The following KDM4C variants were observed in gnomAD, a reference collection of about 807,000 sequenced individuals.
KDM4C encodes the protein lysine-specific demethylase 4C.
A neutral mutation model predicts 129.3 loss-of-function variants in KDM4C; 81 were observed. The ratio of observed to expected loss-of-function variants is 0.63; its 90% confidence interval spans 0.52 to 0.75. KDM4C has a LOEUF of 0.75. Ranked by LOEUF, KDM4C falls within the 30% of genes least tolerant of loss-of-function variation. The pLI is 0.00. For missense variants in KDM4C, 1,457 were observed against 1,304.0 expected (o/e 1.12, Z -1.81); for synonymous variants, 573 against 456.1 (o/e 1.26, Z -3.26).
At chr9:6,985,611 T>C (rs1338268250) in intron 10 of KDM4C, among the ~76,000 whole-genome samples, 1 of 152,144 alleles carries the variant, frequency 6.6e-6, no homozygotes, top group Admixed American at 6.5e-5. Context: ...GCAGAGAAGG[T>C]AGGGAAGGGA....
In KDM4C at chr9:7,104,033, C is replaced by G; in HGVS notation, c.2610+163C>G. ...GGCAGGGATTGCGCACTGTTATTTC[C>G]TGGTATTTGCCTAGGACCTGTCAAG... On this transcript the variant is annotated intron_variant, in intron 18 of 21. Coordinates refer to ENST00000381309, the MANE Select transcript of KDM4C (RefSeq NM_015061.6). 7.8e-6 allele frequency: 5 copies of G among 639,174 alleles called. No homozygotes were observed. The East Asian group carries it at 1.1e-4, about 14-fold the overall frequency. 39.6% of individuals were successfully genotyped at this position (639,174 alleles called of 1,614,324 possible).
intron 5 of KDM4C, among the ~76,000 whole-genome samples, chr9:6,856,450 AAAATACTTTTAG>A (rs1255230638): frequency 7.9e-5 from 12 of 152,162 alleles, no homozygotes; most frequent in Non-Finnish European, 1.3e-4. Flanking sequence ...TTTACATAAG[AAAATACTTTTAG>A]AAATACTCTT....
chr9:6,963,440 C>G (rs1830349668), intron 8 of KDM4C, among the ~76,000 whole-genome samples: 1 of 152,112 alleles, frequency 6.6e-6, no homozygotes, highest in Non-Finnish European at 1.5e-5. Context: ...AATAATGATA[C>G]AACTAATTAT....
At chr9:6,752,326 C>G (rs1818098261) in intron 1 of KDM4C, among the ~76,000 whole-genome samples, 1 of 72,160 alleles carries the variant, frequency 1.4e-5, no homozygotes, top group Non-Finnish European at 2.7e-5. Flanking sequence ...GAGCGAAACT[C>G]CGTCTCAAAA....
intron 8 of KDM4C, among the ~76,000 whole-genome samples, chr9:6,961,794 A>G (rs1830099455): frequency 6.6e-6 from 1 of 152,196 alleles, no homozygotes; most frequent in African/African-American, 2.4e-5. Context: ...GTTCATTGTC[A>G]TGATTATTTT....
chr9:6,815,669 C>G (rs991401177), intron 4 of KDM4C, among the ~76,000 whole-genome samples: 1 of 152,214 alleles, frequency 6.6e-6, no homozygotes, highest in African/African-American at 2.4e-5. Flanking sequence ...TTCCTTTGAG[C>G]ATGACCTTTG....
chr9:6,941,468 TAAATG>T (rs1468019463), intron 8 of KDM4C: 1 of 152,164 alleles, frequency 6.6e-6, no homozygotes, highest in African/African-American at 2.4e-5. Flanking sequence ...TATCCTAAAT[TAAATG>T]AAAACAAATT....
At chr9:7,034,141 A>G (rs962224554) in intron 15 of KDM4C, among the ~76,000 whole-genome samples, 1 of 152,162 alleles carries the variant, frequency 6.6e-6, no homozygotes, top group African/African-American at 2.4e-5. Flanking sequence ...GTTTCAGTAC[A>G]TACAATGTAT....
chr9:6,903,011 A>G (rs1408169533), intron 8 of KDM4C, among the ~76,000 whole-genome samples: 1 of 152,102 alleles, frequency 6.6e-6, no homozygotes, highest in Non-Finnish European at 1.5e-5. Flanking sequence ...TGGAAAAAAC[A>G]CCATCCTGGA....
chr9:7,034,838 G>T (rs2132404924), intron 15 of KDM4C, among the ~76,000 whole-genome samples: 1 of 152,210 alleles, frequency 6.6e-6, no homozygotes, highest in Non-Finnish European at 1.5e-5. Flanking sequence ...ACCAGTATTT[G>T]TTACTTTTTG....
Position 6,990,454 on chromosome 9 carries a change from C to A in KDM4C, c.1716C>A (p.Arg572=), listed in dbSNP as rs368924481. ...AGAACAAAACCTCTAAGAGTTGGCG[C>A]CATCCACTTAGCAGGCCTCCAGCAA... The part of the protein sequence containing the change: ...EGENKTSKSW[R]HPLSRPPARS... Residue 572 remains arginine, a synonymous_variant, in exon 12 of 22, where the codon CGC becomes CGA. Coordinates refer to ENST00000381309, the MANE Select transcript of KDM4C (RefSeq NM_015061.6). 6.2e-7 allele frequency: 1 copy of A among 1,613,148 alleles called. No homozygotes were observed. The highest frequency in any genetic ancestry group is 1.3e-5 in the African/African-American group (1 of 74,700).
intron 8 of KDM4C, among the ~76,000 whole-genome samples, chr9:6,967,384 G>A (rs1380371361): frequency 2.0e-5 from 3 of 148,678 alleles, no homozygotes; most frequent in Admixed American, 6.8e-5. Flanking sequence ...AGATTGTGCC[G>A]CTGCACTCCT....
chr9:6,858,855 T>C (rs1001469596), intron 5 of KDM4C, among the ~76,000 whole-genome samples: 3 of 152,132 alleles, frequency 2.0e-5, no homozygotes, highest in African/African-American at 7.2e-5. Context: ...TATCTCTTTT[T>C]TTTTTTGTTT....
chr9:6,885,987 C>T (rs918583573), intron 6 of KDM4C, among the ~76,000 whole-genome samples: 4 of 152,178 alleles, frequency 2.6e-5, no homozygotes, highest in Non-Finnish European at 5.9e-5. Context: ...CTTCTTTCTT[C>T]ACTGATTTTA....
intron 1 of KDM4C, among the ~76,000 whole-genome samples, chr9:6,787,334 G>C (rs1825699690): frequency 6.6e-6 from 1 of 152,220 alleles, no homozygotes; most frequent in Non-Finnish European, 1.5e-5. Context: ...CGGGGTTCAA[G>C]TGAGTCTTGT....
chr9:7,019,708 T>C (rs987721117), intron 15 of KDM4C, among the ~76,000 whole-genome samples: 1 of 106,656 alleles, frequency 9.4e-6, no homozygotes, highest in Non-Finnish European at 1.8e-5. Context: ...AATATTTTTA[T>C]ATATAAAAAT....
intron 8 of KDM4C, among the ~76,000 whole-genome samples, chr9:6,964,813 G>A (rs893954017): frequency 2.7e-5 from 4 of 148,438 alleles, no homozygotes. Context: ...CACAGACTGG[G>A]CGCAGTAGCA....
chr9:7,093,335 A>T (rs1836023420), intron 17 of KDM4C, among the ~76,000 whole-genome samples: 1 of 152,222 alleles, frequency 6.6e-6, no homozygotes, highest in Admixed American at 6.5e-5. Flanking sequence ...CTCTAAAGAT[A>T]ATCAGGGTTT....
intron 18 of KDM4C, among the ~76,000 whole-genome samples, chr9:7,113,606 T>C (rs977077612): frequency 3.3e-5 from 5 of 152,200 alleles, no homozygotes; most frequent in African/African-American, 1.2e-4. Context: ...CAAACTCCCA[T>C]GCTCACAACA....
Sources: allele counts gnomAD v4.1 joint callset (sites outside exome capture counted in the v4.1 genomes callset), GRCh38; gene constraint gnomAD v4.1.1; transcripts MANE v1.5; gene names NCBI Gene and HGNC (gene_info 2026-07-23, HGNC 2026-07-21).